Variants in TCERG1L observed in about 807,000 individuals in gnomAD.
TCERG1L encodes transcription elongation regulator 1 like.
In TCERG1L, 37 loss-of-function variants were observed where a neutral mutation model predicts 56.3. The ratio of observed to expected loss-of-function variants is 0.66; its 90% CI spans 0.51 to 0.87. The LOEUF is 0.87. Ranked by LOEUF, TCERG1L falls within the 40% of genes least tolerant of loss-of-function variation. The pLI is 0.00. For synonymous variants in TCERG1L, 324 were observed against 326.3 expected, an observed-to-expected ratio of 0.99 and a Z score of 0.08; for missense variants, 799 against 774.2, an observed-to-expected ratio of 1.03 and a Z score of -0.38.
At chr10:131,285,513 AAAGAAAGAAAGAGAG>A (rs1405281286) in intron 3 of TCERG1L, among the ~76,000 whole-genome samples, 7,532 of 59,458 alleles carry the variant, frequency 0.13, 626 homozygotes, top group East Asian at 0.2. Context: ...AGAAAGAAAG[AAAGAAAGAAAGAGAG>A]AAAGAAAAGA....
At chr10:131,261,492 G>C (rs1846237078) in intron 3 of TCERG1L, among the ~76,000 whole-genome samples, 1 of 152,246 alleles carries the variant, frequency 6.6e-6, no homozygotes, top group African/African-American at 2.4e-5. Context: ...ATGGTGCGCT[G>C]TGCACAGGAC....
intron 7 of TCERG1L, among the ~76,000 whole-genome samples, chr10:131,144,391 G>T (rs1845772158): frequency 6.6e-6 from 1 of 152,142 alleles, no homozygotes; most frequent in Admixed American, 6.5e-5. Flanking sequence ...CACTGCTGCT[G>T]GTTGCAGGTC....
intron 3 of TCERG1L, among the ~76,000 whole-genome samples, chr10:131,273,826 A>G (rs7068551): frequency 0.02 from 3,079 of 152,288 alleles, 79 homozygotes; most frequent in East Asian, 0.077. Context: ...GAGTGCTGGC[A>G]AGTGGATGCC....
At chr10:131,193,484 T>C (rs909194727) in intron 4 of TCERG1L, among the ~76,000 whole-genome samples, 5 of 152,246 alleles carry the variant, frequency 3.3e-5, no homozygotes, top group Non-Finnish European at 7.3e-5. Flanking sequence ...TCATGTGTTA[T>C]GTTTAAGTCT....
At chr10:131,277,978 G>C (rs1251619839) in intron 3 of TCERG1L, among the ~76,000 whole-genome samples, 1 of 152,168 alleles carries the variant, frequency 6.6e-6, no homozygotes, top group Admixed American at 6.5e-5. Flanking sequence ...CATGTGGGGA[G>C]CTTCAGCCAC....
chr10:131,191,864 C>CAAAAAAAAAAAAAAAAAA (rs59816491), intron 4 of TCERG1L, among the ~76,000 whole-genome samples: 2 of 28,724 alleles, frequency 7.0e-5, no homozygotes, highest in Non-Finnish European at 1.2e-4. Flanking sequence ...GACTCCGTCT[C>CAAAAAAAAAAAAAAAAAA]AAAAAAAAAA....
At chr10:131,273,161 G>T (rs1218317627) in intron 3 of TCERG1L, among the ~76,000 whole-genome samples, 3 of 152,194 alleles carry the variant, frequency 2.0e-5, no homozygotes, top group Non-Finnish European at 4.4e-5. Flanking sequence ...CCTAGGTCGG[G>T]TCCCTGCCCC....
intron 4 of TCERG1L, among the ~76,000 whole-genome samples, chr10:131,178,907 G>A (rs1323610610): frequency 1.3e-5 from 2 of 152,230 alleles, no homozygotes; most frequent in Non-Finnish European, 2.9e-5. Flanking sequence ...AAGGCAAAGC[G>A]GTTCCAGCAG....
At chr10:131,132,891 G>A (rs1184100289) in intron 8 of TCERG1L, among the ~76,000 whole-genome samples, 4 of 152,194 alleles carry the variant, frequency 2.6e-5, no homozygotes, top group African/African-American at 4.8e-5. Flanking sequence ...GCCACGTGCG[G>A]CCCTAGACCT....
chr10:131,125,981 G>A (rs1845561760), intron 8 of TCERG1L, among the ~76,000 whole-genome samples: 1 of 152,198 alleles, frequency 6.6e-6, no homozygotes, highest in Non-Finnish European at 1.5e-5. Context: ...AAATCCTCCT[G>A]GAGGAGCGAT....
At chr10:131,142,531 A>G (rs1845749405) in intron 7 of TCERG1L, among the ~76,000 whole-genome samples, 1 of 152,254 alleles carries the variant, frequency 6.6e-6, no homozygotes, top group Non-Finnish European at 1.5e-5. Flanking sequence ...TTACAGAGCA[A>G]TTAAGCCCAG....
At chr10:131,095,016 T>C (rs1468102021) in intron 11 of TCERG1L, among the ~76,000 whole-genome samples, 2 of 152,224 alleles carry the variant, frequency 1.3e-5, no homozygotes, top group Admixed American at 1.3e-4. Context: ...GCAACCGGCT[T>C]TCTGCTGATG....
At chr10:131,271,651 G>C (rs1353050900) in intron 3 of TCERG1L, among the ~76,000 whole-genome samples, 1 of 152,224 alleles carries the variant, frequency 6.6e-6, no homozygotes, top group African/African-American at 2.4e-5. Context: ...CTAAGCATTT[G>C]CCTTCTGCAT....
chr10:131,157,755 C>T (rs1406449979), intron 6 of TCERG1L, among the ~76,000 whole-genome samples: 1 of 152,190 alleles, frequency 6.6e-6, no homozygotes, highest in East Asian at 1.9e-4. Context: ...AGAGGAGGAC[C>T]GGATTTCACC....
At chr10:131,113,165 A>G (rs1845426748) in intron 9 of TCERG1L, among the ~76,000 whole-genome samples, 1 of 143,056 alleles carries the variant, frequency 7.0e-6, no homozygotes, top group Admixed American at 6.9e-5. Flanking sequence ...AATAAATGCA[A>G]TTTTACACGG....
chr10:131,273,394 T>G (rs1846359147), intron 3 of TCERG1L, among the ~76,000 whole-genome samples: 1 of 152,174 alleles, frequency 6.6e-6, no homozygotes, highest in Non-Finnish European at 1.5e-5. Context: ...CTCGCCTGCC[T>G]CCTGGAGAGT....
chr10:131,219,816 A>C (rs965335798), intron 4 of TCERG1L, among the ~76,000 whole-genome samples: 2 of 152,208 alleles, frequency 1.3e-5, no homozygotes, highest in Non-Finnish European at 2.9e-5. Context: ...AGTGTTAACT[A>C]AGGGACGGGA....
chr10:131,207,755 G>A (rs1283085623), intron 4 of TCERG1L, among the ~76,000 whole-genome samples: 8 of 152,124 alleles, frequency 5.3e-5, no homozygotes, highest in South Asian at 2.1e-4. Flanking sequence ...CGCCAGGCCC[G>A]GGAACCAGGA....
At chr10:131,160,227 A>G (rs1311302736) in intron 6 of TCERG1L, among the ~76,000 whole-genome samples, 1 of 152,158 alleles carries the variant, frequency 6.6e-6, no homozygotes, top group Non-Finnish European at 1.5e-5. Flanking sequence ...ATTCCCTCTC[A>G]TCCTCATGCT....
Sources: gnomAD v4.1 joint callset for allele counts (sites outside exome capture counted in the v4.1 genomes callset) on GRCh38, gnomAD v4.1.1 for gene constraint, MANE v1.5 for transcripts, NCBI Gene and HGNC (gene_info 2026-07-23, HGNC 2026-07-21) for gene names.